The following IQSEC1 variants were observed in gnomAD, a reference collection of about 807,000 sequenced individuals.
IQSEC1 encodes the protein IQ motif and Sec7 domain ArfGEF 1, also known as IQ motif and SEC7 domain-containing protein 1.
Under a neutral mutation model 91.0 loss-of-function variants are expected in IQSEC1, and 31 were observed. The observed-to-expected ratio is 0.34, with a 90% CI of 0.26 to 0.46. IQSEC1 has a LOEUF of 0.46. Ranked by LOEUF, IQSEC1 falls within the 20% of genes least tolerant of loss-of-function variation. The probability of loss-of-function intolerance (pLI) is 1.00; values close to 1 mark genes in which losing one functional copy is unlikely to be tolerated. For missense variants in IQSEC1, 1,388 were observed against 1,575.6 expected, an observed-to-expected ratio of 0.88 and a Z score of 2.02; for synonymous variants, 699 against 662.6, an observed-to-expected ratio of 1.05 and a Z score of -0.84.
chr3:13,199,522 C>T (rs534091570), intron 1 of IQSEC1, among the ~76,000 whole-genome samples: 8 of 152,270 alleles, frequency 5.3e-5, no homozygotes, highest in East Asian at 1.9e-4. Flanking sequence ...TGAGCAGCAC[C>T]GGTGTCCCTG....
chr3:13,167,012 C>A (rs920424806), intron 1 of IQSEC1, among the ~76,000 whole-genome samples: 1 of 152,160 alleles, frequency 6.6e-6, no homozygotes, highest in Non-Finnish European at 1.5e-5. Context: ...GATGCCTGTG[C>A]GTGTGTGCAT....
At chr3:13,149,144 C>CAG (rs1380201767) in intron 2 of IQSEC1, among the ~76,000 whole-genome samples, 1 of 152,230 alleles carries the variant, frequency 6.6e-6, no homozygotes, top group Non-Finnish European at 1.5e-5. Context: ...CTGACAGCTG[C>CAG]AGCCTCTCAC....
At position 13,021,644 on chromosome 3, in the gene IQSEC1, C is replaced by T. The variant is rs376572360; in HGVS notation, c.23+51348G>A. Among the ~76,000 whole-genome samples the T allele has an allele frequency of 3.3e-5, 5 of 152,288 alleles. No homozygotes were observed. In the South Asian group the frequency reaches 8.3e-4, roughly 25 times the overall value. ...TCAGTGACTGACGTTTACGGTCACA[C>T]GAAGGAATCACTACACCAAGCGCTG... On this transcript the variant is annotated intron_variant, in intron 1 of 13. Coordinates refer to ENST00000613206, the MANE Select transcript of IQSEC1 (RefSeq NM_001134382.3).
At chr3:13,078,729 T>G (rs1705601499) in intron 2 of IQSEC1, among the ~76,000 whole-genome samples, 1 of 152,118 alleles carries the variant, frequency 6.6e-6, no homozygotes, top group Non-Finnish European at 1.5e-5. Flanking sequence ...CCAGGGCAGC[T>G]GGAGAGTTCA....
intron 2 of IQSEC1, among the ~76,000 whole-genome samples, chr3:13,096,228 G>A (rs1055837431): frequency 3.9e-5 from 6 of 152,194 alleles, no homozygotes; most frequent in Admixed American, 1.3e-4. Flanking sequence ...GATCTGACCT[G>A]GGCAGTGGGA....
intron 1 of IQSEC1, among the ~76,000 whole-genome samples, chr3:13,213,403 G>A (rs1030036396): frequency 1.3e-5 from 2 of 152,148 alleles, no homozygotes; most frequent in East Asian, 3.9e-4. Context: ...GTACCATATA[G>A]TATTGATGAT....
In IQSEC1 at chr3:12,993,560, C is replaced by A. The variant is rs538064786; in HGVS notation, c.24-51695G>T. Among the ~76,000 whole-genome samples the A allele has an allele frequency of 3.2e-4, 48 of 152,374 alleles. 1 individual carries two copies. Among genetic ancestry groups the A allele is most frequent in the Middle Eastern group, 6.8e-3 (2 of 294 alleles). On this transcript the variant is annotated intron_variant, in intron 1 of 13. Coordinates refer to ENST00000613206, the MANE Select transcript of IQSEC1 (RefSeq NM_001134382.3). ...GACCCTCGGGGTCTGGATTCACGTACCCCCGCTTCGGGGAGGCAACCAACT... is the reference window on the plus strand; with the variant it reads ...GACCCTCGGGGTCTGGATTCACGTAACCCCGCTTCGGGGAGGCAACCAACT...
At chr3:13,107,079 C>T (rs540080621) in intron 2 of IQSEC1, among the ~76,000 whole-genome samples, 15 of 152,180 alleles carry the variant, frequency 9.9e-5, no homozygotes, top group African/African-American at 3.6e-4. Flanking sequence ...GAACCCTGGC[C>T]GTATCTCATG....
At chr3:12,954,642 TTC>T (rs1293603595) in intron 1 of IQSEC1, among the ~76,000 whole-genome samples, 1 of 152,212 alleles carries the variant, frequency 6.6e-6, no homozygotes, top group Non-Finnish European at 1.5e-5. Flanking sequence ...GCTTTTTTAT[TTC>T]TGTCTCTCCC....
At chr3:12,903,945 C>T (rs998037849) in intron 12 of IQSEC1, among the ~76,000 whole-genome samples, 1 of 152,232 alleles carries the variant, frequency 6.6e-6, no homozygotes, top group Admixed American at 6.5e-5. Flanking sequence ...CAGACCTGCT[C>T]ACCCGACCGC....
chr3:13,194,621 G>A (rs773034585), intron 1 of IQSEC1, among the ~76,000 whole-genome samples: 4 of 152,124 alleles, frequency 2.6e-5, no homozygotes, highest in Admixed American at 2.0e-4. Flanking sequence ...CCTATGATCC[G>A]AGTTGGAGGG....
At position 13,244,169 on chromosome 3, in the gene IQSEC1, A is replaced by T. The variant is rs555868837; in HGVS notation, c.272+38542T>A. On this transcript the variant is annotated intron_variant, in intron 1 of 15. Coordinates refer to the IQSEC1 transcript ENST00000648114. ...GCTTTCTTTAAAAAGCAGCTGATTT[A>T]AAAAAGTTGATAACAAAAAGCAACT... is the stretch of plus-strand genomic sequence containing the variant. Among the ~76,000 whole-genome samples, 59 of 152,308 alleles carry T rather than the reference A, an allele frequency of 3.9e-4. 1 individual carries two copies. The South Asian group carries it at 4.1e-3, about 11-fold the overall frequency.
In IQSEC1 at chr3:12,899,435, C is replaced by T; in HGVS notation, c.*1548G>A. ...GCTGCAGTGGCTCGAAAGGCTGAAACTACAAAGTATGGCCCGTGGGTGACT... is the reference window on the plus strand; with the variant it reads ...GCTGCAGTGGCTCGAAAGGCTGAAATTACAAAGTATGGCCCGTGGGTGACT... On this transcript the variant is annotated 3_prime_UTR_variant, in exon 14 of 14. Coordinates refer to ENST00000613206, the MANE Select transcript of IQSEC1 (RefSeq NM_001134382.3). 1 of 1,609,666 alleles carries T rather than the reference C, an allele frequency of 6.2e-7. No individual in the cohort carries two copies. The highest frequency in any genetic ancestry group is 1.1e-5 in the South Asian group (1 of 90,406).
intron 1 of IQSEC1, among the ~76,000 whole-genome samples, chr3:13,216,126 G>T (rs1275480722): frequency 1.3e-5 from 2 of 152,198 alleles, no homozygotes; most frequent in African/African-American, 4.8e-5. Context: ...CGTGTCCTTT[G>T]GCCATTCTAG....
intron 1 of IQSEC1, among the ~76,000 whole-genome samples, chr3:13,270,576 T>G (rs1695576382): frequency 6.6e-6 from 1 of 152,196 alleles, no homozygotes; most frequent in Non-Finnish European, 1.5e-5. Context: ...TTATTCTCTC[T>G]GGGTGAGGAT....
At chr3:12,927,199 C>T (rs1000967087) in intron 3 of IQSEC1, among the ~76,000 whole-genome samples, 1 of 152,198 alleles carries the variant, frequency 6.6e-6, no homozygotes, top group East Asian at 1.9e-4. Flanking sequence ...TTCTTTGGCC[C>T]ACACACTGTT....
upstream of IQSEC1, among the ~76,000 whole-genome samples, chr3:13,073,545 A>G (rs1029073979): frequency 5.3e-5 from 8 of 151,682 alleles, no homozygotes; most frequent in East Asian, 9.7e-4. Flanking sequence ...CAGCAGCATC[A>G]GGCGCGGCCG....
chr3:13,183,849 A>C (rs950138451), intron 1 of IQSEC1, among the ~76,000 whole-genome samples: 1 of 152,066 alleles, frequency 6.6e-6, no homozygotes. Context: ...AGAGAAAAAC[A>C]TAGCCGACAA....
intron 2 of IQSEC1, among the ~76,000 whole-genome samples, chr3:13,138,559 T>C (rs358382): frequency 0.24 from 35,888 of 151,926 alleles, 4,915 homozygotes; most frequent in African/African-American, 0.37. Context: ...GGTAGTCCTA[T>C]GCTGCCAGGC....
Sources: gnomAD v4.1 joint callset for allele counts (sites outside exome capture counted in the v4.1 genomes callset) on GRCh38, gnomAD v4.1.1 for gene constraint, MANE v1.5 for transcripts, NCBI Gene and HGNC (gene_info 2026-07-23, HGNC 2026-07-21) for gene names.